ZFPM2: variants seen among roughly 807,000 people sequenced by gnomAD.
The protein encoded by ZFPM2 is zinc finger protein ZFPM2.
A neutral mutation model predicts 98.6 loss-of-function variants in ZFPM2; 20 were observed. That is an observed-to-expected ratio of 0.20 (90% CI 0.14 to 0.29). ZFPM2 has a LOEUF of 0.29. ZFPM2 is among the 10% of genes least tolerant of loss of function. The pLI, the probability that ZFPM2 is intolerant of heterozygous loss-of-function variation, is 1.00. For missense variants in ZFPM2, 1,310 were observed against 1,388.6 expected (o/e 0.94, Z 0.90); for synonymous variants, 518 against 502.7 (o/e 1.03, Z -0.41).
chr8:105,571,651 G>C (rs1815356970), intron 4 of ZFPM2, among the ~76,000 whole-genome samples: 1 of 152,164 alleles, frequency 6.6e-6, no homozygotes, highest in Non-Finnish European at 1.5e-5. Context: ...AGCATTATGA[G>C]GACTTAGCAT....
intron 1 of ZFPM2, among the ~76,000 whole-genome samples, chr8:105,327,100 A>G (rs954185461): frequency 7.9e-5 from 12 of 151,506 alleles, no homozygotes; most frequent in Admixed American, 6.6e-5. Flanking sequence ...GAATTATTCT[A>G]ATCCACATTT....
chr8:105,485,212 G>A (rs751316768), intron 3 of ZFPM2, among the ~76,000 whole-genome samples: 2 of 152,118 alleles, frequency 1.3e-5, no homozygotes, highest in South Asian at 2.1e-4. Context: ...GGTAACCAAC[G>A]ACAGAGTCCA....
intron 3 of ZFPM2, among the ~76,000 whole-genome samples, chr8:105,452,064 T>A (rs1812494904): frequency 6.6e-6 from 1 of 152,152 alleles, no homozygotes. Flanking sequence ...TTCACTTAAA[T>A]AGCTTTGCAA....
At chr8:105,595,401 G>A (rs1012264703) in intron 4 of ZFPM2, among the ~76,000 whole-genome samples, 4 of 152,042 alleles carry the variant, frequency 2.6e-5, no homozygotes, top group African/African-American at 7.2e-5. Context: ...CCAGATGCTG[G>A]CCATCCATAA....
intron 5 of ZFPM2, among the ~76,000 whole-genome samples, chr8:105,733,759 C>T (rs1312051710): frequency 1.3e-5 from 2 of 151,798 alleles, no homozygotes; most frequent in Admixed American, 1.3e-4. Flanking sequence ...CAAAACACTG[C>T]CCCTATCTTA....
chr8:105,630,007 C>T (rs1816727249), intron 4 of ZFPM2, among the ~76,000 whole-genome samples: 1 of 152,174 alleles, frequency 6.6e-6, no homozygotes, highest in Non-Finnish European at 1.5e-5. Context: ...AGCATATGCA[C>T]AGGTTCCAGG....
At chr8:105,737,923 A>T (rs894347344) in intron 5 of ZFPM2, among the ~76,000 whole-genome samples, 1 of 151,950 alleles carries the variant, frequency 6.6e-6, no homozygotes, top group Non-Finnish European at 1.5e-5. Flanking sequence ...ATACAATAGT[A>T]TTTTTTGTAT....
chr8:105,522,854 T>C (rs1395564408), intron 3 of ZFPM2, among the ~76,000 whole-genome samples: 2 of 152,230 alleles, frequency 1.3e-5, no homozygotes, highest in African/African-American at 4.8e-5. Context: ...CCTTTGGAAG[T>C]TGAAAGCTTT....
chr8:105,427,382 A>G (rs1305851300), intron 2 of ZFPM2, among the ~76,000 whole-genome samples: 1 of 152,184 alleles, frequency 6.6e-6, no homozygotes, highest in East Asian at 1.9e-4. Flanking sequence ...AATATGTACT[A>G]CTGTTTAGCA....
At position 105,803,840 on chromosome 8, in the gene ZFPM2, C is replaced by T; in HGVS notation, c.*302C>T. ...GTTATTGTATAGTTATTGTGTAGCA[C>T]ATATGGTTTGCACTGTATAGTAGCT... On this transcript the variant is annotated 3_prime_UTR_variant, in exon 8 of 8. Coordinates refer to ENST00000407775, the MANE Select transcript of ZFPM2 (RefSeq NM_012082.4). 1 of 317,598 alleles carries T rather than the reference C, an allele frequency of 3.1e-6. No individual in the cohort carries two copies. The highest frequency in any genetic ancestry group is 3.9e-5 in the South Asian group (1 of 25,492). 19.7% of individuals were successfully genotyped at this position (317,598 alleles called of 1,614,324 possible). A position where few individuals can be genotyped will look rare whatever the true frequency, so the allele number is the denominator to read the frequency against.
chr8:105,331,883 T>A (rs1812240200), intron 1 of ZFPM2, among the ~76,000 whole-genome samples: 1 of 151,718 alleles, frequency 6.6e-6, no homozygotes, highest in South Asian at 2.1e-4. Context: ...TTGAAAAACA[T>A]AAAGTCAAGT....
chr8:105,743,804 T>A (rs981721102), intron 5 of ZFPM2, among the ~76,000 whole-genome samples: 13 of 152,094 alleles, frequency 8.5e-5, no homozygotes, highest in Non-Finnish European at 2.9e-5. Context: ...AATGCTGTCC[T>A]TCAAGGATGT....
intron 5 of ZFPM2, among the ~76,000 whole-genome samples, chr8:105,725,242 G>T (rs1811780283): frequency 6.6e-6 from 1 of 151,474 alleles, no homozygotes; most frequent in Non-Finnish European, 1.5e-5. Flanking sequence ...CATCAACCTG[G>T]CATTTCCTTA....
At chr8:105,726,866 C>A (rs943754056) in intron 5 of ZFPM2, among the ~76,000 whole-genome samples, 1 of 151,502 alleles carries the variant, frequency 6.6e-6, no homozygotes, top group African/African-American at 2.4e-5. Flanking sequence ...ACAGGCATTA[C>A]AGGGGAATTA....
In ZFPM2 at chr8:105,801,175, T is replaced by C. The variant is rs1240152037; in HGVS notation, c.1093T>C (p.Cys365Arg). The change falls in exon 8 of 8, where the codon TGT becomes CGT. Residue 365 changes from cysteine (C) to arginine (R), a missense_variant. By Grantham distance (180) the Cys-to-Arg change is radical (BLOSUM62 -3). Coordinates refer to ENST00000407775, the MANE Select transcript of ZFPM2 (RefSeq NM_012082.4). ...FSHLTQAAFR[C>R]NHCHFGFQTQ... is the part of the protein sequence containing the mutation. ...CCATCTCACTCAAGCTGCCTTCCGA[T>C]GTAATCACTGCCATTTCGGCTTCCA... The C allele has an allele frequency of 2.5e-6, 4 of 1,613,956 alleles. No homozygotes were observed. The highest frequency in any genetic ancestry group is 3.4e-6 in the Non-Finnish European group (4 of 1,179,872).
At chr8:105,612,193 C>G (rs1465029575) in intron 4 of ZFPM2, among the ~76,000 whole-genome samples, 1 of 151,948 alleles carries the variant, frequency 6.6e-6, no homozygotes, top group Non-Finnish European at 1.5e-5. Flanking sequence ...CAAAATTTCC[C>G]AGGGATTTAT....
chr8:105,419,395 A>G (rs1811749483), intron 2 of ZFPM2, 93 bp downstream of exon 2: 1 of 1,434,360 alleles, frequency 7.0e-7, no homozygotes, highest in East Asian at 2.4e-5. Context: ...GAGTGCTGAC[A>G]CATAATTCAG....
intron 3 of ZFPM2, among the ~76,000 whole-genome samples, chr8:105,511,110 A>G (rs756800130): frequency 7.2e-5 from 11 of 152,170 alleles, no homozygotes; most frequent in Non-Finnish European, 1.2e-4. Flanking sequence ...CTGAGCAAGA[A>G]TGGCCTTCAA....
intron 4 of ZFPM2, among the ~76,000 whole-genome samples, chr8:105,576,956 A>T (rs1298291336): frequency 6.6e-6 from 1 of 151,556 alleles, no homozygotes; most frequent in Admixed American, 6.6e-5. Flanking sequence ...GTGGTATGTT[A>T]TTTTTATCAT....
Sources: gnomAD v4.1 joint callset for allele counts (sites outside exome capture counted in the v4.1 genomes callset) on GRCh38, gnomAD v4.1.1 for gene constraint, MANE v1.5 for transcripts, NCBI Gene and HGNC (gene_info 2026-07-23, HGNC 2026-07-21) for gene names.